Variants in MAEL observed in about 807,000 individuals in gnomAD.
MAEL encodes protein maelstrom homolog.
Under a neutral mutation model 62.0 loss-of-function variants are expected in MAEL, and 46 were observed. The observed-to-expected ratio is 0.74, with a 90% CI of 0.59 to 0.95. The LOEUF (loss-of-function observed/expected upper bound fraction) is 0.95. Among genes scored for constraint, MAEL ranks in the 40% least tolerant of loss-of-function variants. The pLI, the probability that MAEL is intolerant of heterozygous loss-of-function variation, is 0.00. For missense variants in MAEL, 497 were observed against 526.8 expected (o/e 0.94, Z 0.55); for synonymous variants, 172 against 175.5 (o/e 0.98, Z 0.16).
At chr1:166,990,067 T>C in intron 2 of MAEL, 1 of 463,068 alleles carries the variant, frequency 2.2e-6, no homozygotes, top group Non-Finnish European at 3.9e-6. Context: ...GGGGAATTCC[T>C]GTTAGGAAAC....
At chr1:167,001,224 A>G (rs911876825) in intron 5 of MAEL, among the ~76,000 whole-genome samples, 3 of 152,216 alleles carry the variant, frequency 2.0e-5, no homozygotes, top group African/African-American at 7.2e-5. Context: ...ATGCAAAGGC[A>G]TAAGAATGAC....
chr1:166,976,958 G>A (rs2102053712), intron 1 of MAEL, among the ~76,000 whole-genome samples: 1 of 152,312 alleles, frequency 6.6e-6, no homozygotes, highest in South Asian at 2.1e-4. Context: ...CCGGGCCCCT[G>A]GCATAGCCAG....
intron 8 of MAEL, chr1:167,005,625 A>G (rs1023018329): frequency 1.6e-5 from 6 of 365,752 alleles, no homozygotes; most frequent in African/African-American, 1.1e-4. Context: ...TAGAATTTCT[A>G]TACTGATGAG....
chr1:166,998,991 G>A (rs1305722956), intron 5 of MAEL, among the ~76,000 whole-genome samples: 1 of 152,008 alleles, frequency 6.6e-6, no homozygotes, highest in Non-Finnish European at 1.5e-5. Flanking sequence ...AATAAATGTT[G>A]TATGTGTTCT....
intron 5 of MAEL, among the ~76,000 whole-genome samples, 167 bp from the exon 6 acceptor site, chr1:167,004,013 G>A (rs182227621): frequency 2.0e-5 from 3 of 152,204 alleles, no homozygotes; most frequent in East Asian, 3.9e-4. Flanking sequence ...TAGAATGGCT[G>A]TAAGACTGTG....
chr1:167,007,589 GTGTGTGTGTA>G (rs1474320299), intron 8 of MAEL, among the ~76,000 whole-genome samples: 1,325 of 89,076 alleles, frequency 0.015, 9 homozygotes, highest in African/African-American at 0.034. Flanking sequence ...GTGTGTGTGT[GTGTGTGTGTA>G]TGTACACACA....
chr1:166,989,252 G>T, upstream of MAEL: 1 of 1,439,050 alleles, frequency 6.9e-7, no homozygotes, highest in Non-Finnish European at 9.3e-7. Flanking sequence ...AGAGTTGCGG[G>T]CTGCGTGCGC....
At chr1:166,991,862 A>G (rs1016936394) in intron 3 of MAEL, among the ~76,000 whole-genome samples, 3 of 152,250 alleles carry the variant, frequency 2.0e-5, no homozygotes, top group African/African-American at 7.2e-5. Flanking sequence ...TGGTAAGAGT[A>G]GGTTTTACAT....
chr1:166,989,224 T>G, upstream of MAEL: 1 of 1,256,630 alleles, frequency 8.0e-7, no homozygotes, highest in Admixed American at 2.5e-5. Flanking sequence ...CGACTGCGCG[T>G]CGCTTCCTGA....
At chr1:166,984,179 C>A (rs1026178626), upstream of MAEL, among the ~76,000 whole-genome samples, 1 of 152,102 alleles carries the variant, frequency 6.6e-6, no homozygotes, top group African/African-American at 2.4e-5. Context: ...TCCTAGGACT[C>A]CTCCTTTTTT....
At chr1:166,995,303 C>T (rs943163685) in intron 5 of MAEL, among the ~76,000 whole-genome samples, 4 of 151,766 alleles carry the variant, frequency 2.6e-5, no homozygotes, top group South Asian at 4.2e-4. Flanking sequence ...TGTAATGGCA[C>T]GATCTAGGCT....
chr1:166,980,412 T>C (rs1318030598), intron 1 of MAEL, among the ~76,000 whole-genome samples: 1 of 152,192 alleles, frequency 6.6e-6, no homozygotes, highest in African/African-American at 2.4e-5. Context: ...TTACTCATTG[T>C]GAATTTGTCC....
intron 6 of MAEL, among the ~76,000 whole-genome samples, chr1:167,004,819 C>G (rs1664823382): frequency 6.6e-6 from 1 of 152,096 alleles, no homozygotes; most frequent in South Asian, 2.1e-4. Flanking sequence ...TTTGCATACC[C>G]TAGGTCTCTC....
At chr1:167,006,596 T>C (rs71523118) in intron 8 of MAEL, among the ~76,000 whole-genome samples, 34,050 of 118,026 alleles carry the variant, frequency 0.29, 5,483 homozygotes, top group Admixed American at 0.41. Flanking sequence ...GTTACTGGTT[T>C]TTTACTATAT....
At chr1:167,019,696 G>C (rs1371760927) in intron 10 of MAEL, among the ~76,000 whole-genome samples, 1 of 151,986 alleles carries the variant, frequency 6.6e-6, no homozygotes, top group Non-Finnish European at 1.5e-5. Context: ...GTGGCCTCCA[G>C]ACTTCTTTAT....
intron 1 of MAEL, among the ~76,000 whole-genome samples, chr1:166,981,180 G>A (rs967588275): frequency 5.9e-5 from 9 of 152,186 alleles, no homozygotes; most frequent in Non-Finnish European, 1.3e-4. Context: ...GTAGCGGGGC[G>A]AGGATCTCTC....
chr1:166,976,744 C>T (rs1048987149), intron 1 of MAEL, among the ~76,000 whole-genome samples: 2 of 152,182 alleles, frequency 1.3e-5, no homozygotes, highest in African/African-American at 4.8e-5. Context: ...CTGGAGCAGA[C>T]AGACTCCACA....
intron 8 of MAEL, among the ~76,000 whole-genome samples, chr1:167,009,443 A>T (rs931829997): frequency 1.3e-5 from 2 of 151,988 alleles, no homozygotes; most frequent in Non-Finnish European, 2.9e-5. Context: ...GAGTTAGTTG[A>T]TCATTTTGCC....
At chr1:166,992,411 T>C (rs1372845331) in intron 3 of MAEL, among the ~76,000 whole-genome samples, 2 of 152,296 alleles carry the variant, frequency 1.3e-5, no homozygotes, top group Admixed American at 6.5e-5. Context: ...GGCTTATCTA[T>C]GGCCGAATTA....
Sources: gnomAD v4.1 joint callset for allele counts (sites outside exome capture counted in the v4.1 genomes callset) on GRCh38, gnomAD v4.1.1 for gene constraint, MANE v1.5 for transcripts, NCBI Gene and HGNC (gene_info 2026-07-23, HGNC 2026-07-21) for gene names.